AGBL4: variants seen among roughly 807,000 people sequenced by gnomAD.
The protein encoded by AGBL4 is AGBL carboxypeptidase 4, also known as cytosolic carboxypeptidase 6.
AGBL4 carries 58 observed loss-of-function variants against 66.4 expected under a neutral mutation model. The ratio of observed to expected loss-of-function variants is 0.87; its 90% confidence interval spans 0.71 to 1.09. AGBL4 has a LOEUF of 1.09. Among genes scored for constraint, AGBL4 ranks in the 50% least tolerant of loss-of-function variants. The probability of loss-of-function intolerance (pLI) is 0.00; values close to 1 mark genes in which losing one functional copy is unlikely to be tolerated. For missense variants in AGBL4, 579 were observed against 631.0 expected (o/e 0.92, Z 0.88); for synonymous variants, 234 against 222.9 (o/e 1.05, Z -0.44).
At chr1:49,786,191 C>T (rs1015721203) in intron 2 of AGBL4, among the ~76,000 whole-genome samples, 1 of 152,030 alleles carries the variant, frequency 6.6e-6, no homozygotes, top group Non-Finnish European at 1.5e-5. Context: ...CTGAAGCTAA[C>T]CTTTTCATAT....
chr1:49,656,419 C>T (rs1454365793), intron 3 of AGBL4, among the ~76,000 whole-genome samples: 3 of 152,210 alleles, frequency 2.0e-5, no homozygotes, highest in African/African-American at 7.2e-5. Context: ...CCGAATTCTA[C>T]CACAGGTACA....
chr1:49,615,217 G>T (rs571390751), intron 3 of AGBL4, among the ~76,000 whole-genome samples: 4 of 152,116 alleles, frequency 2.6e-5, no homozygotes, highest in African/African-American at 9.7e-5. Context: ...TTCCAAAGGA[G>T]AGGGCAAAGG....
At chr1:49,387,406 T>G (rs1173124648) in intron 3 of AGBL4, among the ~76,000 whole-genome samples, 2 of 151,856 alleles carry the variant, frequency 1.3e-5, no homozygotes, top group African/African-American at 2.4e-5. Context: ...CCTACTTTAT[T>G]AAAGTTTTGA....
chr1:49,938,475 A>C (rs1415307320), intron 1 of AGBL4, among the ~76,000 whole-genome samples: 2 of 152,208 alleles, frequency 1.3e-5, no homozygotes, highest in South Asian at 2.1e-4. Flanking sequence ...AAAAAGAGGG[A>C]ATCTTCCCTA....
chr1:49,754,297 T>A (rs535654454), intron 2 of AGBL4, among the ~76,000 whole-genome samples: 1 of 116,540 alleles, frequency 8.6e-6, no homozygotes, highest in African/African-American at 4.1e-5. Context: ...ATTTTTAATG[T>A]TTTTTTTTTA....
In AGBL4 at chr1:48,736,093, G is replaced by A. The variant is rs1648995915; in HGVS notation, c.635-72852C>T. 1.3e-5 allele frequency: 11 copies of A among 833,244 alleles called. No individual in the cohort carries two copies. Among genetic ancestry groups the A allele is most frequent in the Non-Finnish European group, 2.1e-5 (11 of 521,656 alleles). 51.6% of individuals were successfully genotyped at this position (833,244 alleles called of 1,614,324 possible). A position where few individuals can be genotyped will look rare whatever the true frequency, so the allele number is the denominator to read the frequency against. On this transcript the variant is annotated intron_variant, in intron 6 of 13. Coordinates refer to ENST00000371839, the MANE Select transcript of AGBL4 (RefSeq NM_032785.4). The surrounding 1 kb of genome is among the most constrained non-coding windows in gnomAD (Gnocchi z 4.0). The stretch of plus-strand genomic sequence containing the variant: ...ATGTGAGCTCTTCTGGGGCATTTGG[G>A]TTATCCGCTTGGTGTCCCCGGGCTC...
intron 5 of AGBL4, among the ~76,000 whole-genome samples, chr1:48,868,350 A>G (rs1007064487): frequency 1.3e-5 from 2 of 152,216 alleles, no homozygotes; most frequent in African/African-American, 4.8e-5. Flanking sequence ...AGGGGAAGGC[A>G]GAAACATTTT....
At chr1:49,741,877 A>C (rs899650839) in intron 2 of AGBL4, among the ~76,000 whole-genome samples, 2 of 152,112 alleles carry the variant, frequency 1.3e-5, no homozygotes, top group Non-Finnish European at 2.9e-5. Context: ...CTCTCAATAA[A>C]TTAGGTATTG....
intron 9 of AGBL4, among the ~76,000 whole-genome samples, chr1:48,596,268 G>A (rs1442123686): frequency 6.6e-6 from 1 of 152,130 alleles, no homozygotes; most frequent in African/African-American, 2.4e-5. Flanking sequence ...GTGGGGATCT[G>A]TGACTGAGAT....
At chr1:49,918,702 T>C (rs1335470864) in intron 1 of AGBL4, among the ~76,000 whole-genome samples, 2 of 151,820 alleles carry the variant, frequency 1.3e-5, no homozygotes, top group Non-Finnish European at 2.9e-5. Flanking sequence ...TTCCAAACAA[T>C]AGAAAAAGAG....
chr1:49,628,804 G>A (rs1329866491), intron 3 of AGBL4, among the ~76,000 whole-genome samples: 1 of 152,122 alleles, frequency 6.6e-6, no homozygotes, highest in Non-Finnish European at 1.5e-5. Flanking sequence ...CAATGTAAAA[G>A]CAAATTGTTA....
At chr1:49,374,072 C>A (rs1644422586) in intron 3 of AGBL4, 1 of 152,054 alleles carries the variant, frequency 6.6e-6, no homozygotes, top group South Asian at 2.1e-4. Context: ...AGGCACTGTG[C>A]AACTCCCTTT....
chr1:49,045,509 A>G lies in AGBL4; in HGVS notation c.594+75T>C. 3.8e-6 allele frequency: 5 copies of G among 1,327,916 alleles called. No homozygotes were observed. In the South Asian group the frequency reaches 6.7e-5, roughly 18 times the overall value. 82.3% of individuals were successfully genotyped at this position (1,327,916 alleles called of 1,614,324 possible). A position where few individuals can be genotyped will look rare whatever the true frequency, so the allele number is the denominator to read the frequency against. On this transcript the variant is annotated intron_variant, in intron 5 of 13. Transcript: ENST00000371839. ...CCAGTATTCATTATTTGCATTGCATAAAAACCCGTGTTAAGTCCCTATCCC... is the reference window on the plus strand; with the variant it reads ...CCAGTATTCATTATTTGCATTGCATGAAAACCCGTGTTAAGTCCCTATCCC...
chr1:49,284,302 C>G (rs1644353090), intron 3 of AGBL4, among the ~76,000 whole-genome samples: 1 of 152,024 alleles, frequency 6.6e-6, no homozygotes, highest in South Asian at 2.1e-4. Context: ...AAATAAAATA[C>G]TTTACAGACA....
intron 5 of AGBL4, among the ~76,000 whole-genome samples, chr1:48,958,087 T>A (rs1229354839): frequency 6.6e-6 from 1 of 152,128 alleles, no homozygotes; most frequent in Non-Finnish European, 1.5e-5. Context: ...CTCGATCTGC[T>A]GACCTCGTGA....
chr1:48,904,071 G>A (rs973733517), intron 5 of AGBL4, among the ~76,000 whole-genome samples: 8 of 152,272 alleles, frequency 5.3e-5, no homozygotes, highest in African/African-American at 1.9e-4. Context: ...CTGAGGTTAG[G>A]AGTTCGAGAC....
At chr1:49,432,656 A>G (rs1421438039) in intron 3 of AGBL4, among the ~76,000 whole-genome samples, 1 of 152,180 alleles carries the variant, frequency 6.6e-6, no homozygotes, top group Non-Finnish European at 1.5e-5. Flanking sequence ...AAATCTCTCC[A>G]TATCAATTTA....
At chr1:49,182,095 G>T (rs1006414143) in intron 4 of AGBL4, among the ~76,000 whole-genome samples, 1 of 152,094 alleles carries the variant, frequency 6.6e-6, no homozygotes, top group Non-Finnish European at 1.5e-5. Context: ...AAAAAATCCT[G>T]GGCATATTAG....
At chr1:49,880,419 T>C (rs370749928) in intron 1 of AGBL4, among the ~76,000 whole-genome samples, 13 of 151,922 alleles carry the variant, frequency 8.6e-5, no homozygotes, top group South Asian at 2.1e-4. Context: ...AATACCCTGC[T>C]GTGTGAGGTG....
Sources: gnomAD v4.1 joint callset for allele counts (sites outside exome capture counted in the v4.1 genomes callset) on GRCh38, gnomAD v4.1.1 for gene constraint, Gnocchi (gnomAD v3.1) non-coding constraint, MANE v1.5 for transcripts, NCBI Gene and HGNC (gene_info 2026-07-23, HGNC 2026-07-21) for gene names.